Variants in MYT1L observed in about 807,000 individuals in gnomAD.
The protein encoded by MYT1L is myelin transcription factor 1 like.
MYT1L carries 12 observed loss-of-function variants against 126.7 expected under a neutral mutation model. That is an observed-to-expected ratio of 0.09 (90% CI 0.06 to 0.15). The LOEUF (loss-of-function observed/expected upper bound fraction) is 0.15. MYT1L is among the 10% of genes least tolerant of loss of function. MYT1L has a pLI of 1.00. For missense variants in MYT1L, 979 were observed against 1,585.2 expected, an observed-to-expected ratio of 0.62 and a Z score of 6.49; for synonymous variants, 541 against 604.2, an observed-to-expected ratio of 0.90 and a Z score of 1.53.
chr2:1,808,186 C>T (rs73182897), intron 22 of MYT1L, among the ~76,000 whole-genome samples: 49 of 152,248 alleles, frequency 3.2e-4, no homozygotes, highest in African/African-American at 1.1e-3. Flanking sequence ...TGAGAATGCA[C>T]GAATACACCT....
chr2:2,160,532 G>T (rs2087695312), intron 3 of MYT1L, among the ~76,000 whole-genome samples: 1 of 152,178 alleles, frequency 6.6e-6, no homozygotes, highest in African/African-American at 2.4e-5. Context: ...GGGTTGAGGG[G>T]AGACTTCCTA....
intron 3 of MYT1L, among the ~76,000 whole-genome samples, chr2:2,064,001 T>C (rs1042223906): frequency 9.2e-5 from 14 of 152,188 alleles, no homozygotes; most frequent in East Asian, 1.9e-4. Context: ...AGAAATTTAA[T>C]GTAGAGAGCC....
chr2:2,150,959 A>C (rs777608964), intron 3 of MYT1L, among the ~76,000 whole-genome samples: 15 of 152,080 alleles, frequency 9.9e-5, no homozygotes, highest in Non-Finnish European at 1.6e-4. Flanking sequence ...GAATGGAAAA[A>C]GACAATGTGA....
At chr2:2,003,940 T>G (rs1437158183) in intron 4 of MYT1L, among the ~76,000 whole-genome samples, 9 of 151,330 alleles carry the variant, frequency 5.9e-5, no homozygotes, top group African/African-American at 1.2e-4. Context: ...CTTTCCTGCA[T>G]GAGTTCTTTC....
intron 20 of MYT1L, among the ~76,000 whole-genome samples, chr2:1,840,242 C>A (rs1264306808): frequency 1.3e-5 from 2 of 152,122 alleles, no homozygotes; most frequent in Non-Finnish European, 2.9e-5. Flanking sequence ...GGGGCCCAGG[C>A]ATGGCTGGCG....
At chr2:2,021,083 C>T (rs1397788325) in intron 4 of MYT1L, among the ~76,000 whole-genome samples, 2 of 152,210 alleles carry the variant, frequency 1.3e-5, no homozygotes, top group East Asian at 1.9e-4. Context: ...GCTGGCTGGA[C>T]GGTCTCCCGG....
At chr2:2,329,971 G>GTT (rs554154486) in intron 1 of MYT1L, among the ~76,000 whole-genome samples, 3 of 143,716 alleles carry the variant, frequency 2.1e-5, no homozygotes, top group African/African-American at 7.6e-5. Flanking sequence ...ATGCAATGCT[G>GTT]TTTTTTTTTT....
intron 8 of MYT1L, among the ~76,000 whole-genome samples, chr2:1,976,896 C>T (rs892070315): frequency 1.1e-4 from 17 of 152,104 alleles, no homozygotes; most frequent in African/African-American, 3.6e-4. Flanking sequence ...AGTCTGCAAC[C>T]CTCTTATTTT....
At chr2:2,005,111 C>G (rs1574438900) in intron 4 of MYT1L, among the ~76,000 whole-genome samples, 2 of 151,080 alleles carry the variant, frequency 1.3e-5, no homozygotes, top group East Asian at 3.9e-4. Context: ...TATGTTCTTT[C>G]CTGCTTGCCT....
intron 3 of MYT1L, among the ~76,000 whole-genome samples, chr2:2,127,162 T>C (rs945081452): frequency 6.6e-6 from 1 of 152,230 alleles, no homozygotes; most frequent in Non-Finnish European, 1.5e-5. Flanking sequence ...ATGGGGTTTG[T>C]TGTACAAATT....
chr2:2,313,169 C>A (rs958278331), intron 1 of MYT1L, among the ~76,000 whole-genome samples: 5 of 152,202 alleles, frequency 3.3e-5, no homozygotes, highest in African/African-American at 7.2e-5. Context: ...AAAGAAGGAG[C>A]TTTTTCTCCA....
intron 3 of MYT1L, among the ~76,000 whole-genome samples, chr2:2,057,456 C>T (rs2069746918): frequency 6.6e-6 from 1 of 151,846 alleles, no homozygotes; most frequent in African/African-American, 2.4e-5. Flanking sequence ...ACCATGACCA[C>T]CCCATTGTCT....
At chr2:2,204,419 AAAAC>A (rs1252425059) in intron 2 of MYT1L, among the ~76,000 whole-genome samples, 3 of 151,234 alleles carry the variant, frequency 2.0e-5, no homozygotes, top group Non-Finnish European at 4.4e-5. Flanking sequence ...TTACAAGAAA[AAAAC>A]AAACAACCCC....
chr2:2,169,778 C>A lies in MYT1L; in HGVS notation c.-304+3094G>T, dbSNP rs73913237. Among the ~76,000 whole-genome samples, 1,348 of 152,234 alleles carry A rather than the reference C, an allele frequency of 8.9e-3. 21 individuals are homozygous for A. Among genetic ancestry groups the A allele is most frequent in the African/African-American group, 0.027 (1,121 of 41,526 alleles). On this transcript the variant is annotated intron_variant, in intron 3 of 24. Coordinates refer to ENST00000647738, the MANE Select transcript of MYT1L (RefSeq NM_001303052.2). ...CGGCTCTGCCCCACGGACTGCTGAC[C>A]GGCATCCCTCACCCTTCCGGGAAGA...
chr2:1,957,015 C>A (rs1460357221), intron 8 of MYT1L, among the ~76,000 whole-genome samples: 1 of 152,190 alleles, frequency 6.6e-6, no homozygotes, highest in Non-Finnish European at 1.5e-5. Flanking sequence ...TCCTCAGGGC[C>A]ATGAGGATGC....
At chr2:2,322,640 A>G (rs1451496541) in intron 1 of MYT1L, among the ~76,000 whole-genome samples, 1 of 151,942 alleles carries the variant, frequency 6.6e-6, no homozygotes, top group African/African-American at 2.4e-5. Flanking sequence ...GAAGGCAGCC[A>G]GGCACAAAGA....
chr2:1,865,325 G>A (rs933343312), intron 18 of MYT1L, among the ~76,000 whole-genome samples: 1 of 152,188 alleles, frequency 6.6e-6, no homozygotes, highest in African/African-American at 2.4e-5. Context: ...GCGGCCGTGC[G>A]GGGTTCCTGT....
rs529246363 is a variant in MYT1L at position 1,902,505 on chromosome 2, C to T, written c.2032+575G>A. Among the ~76,000 whole-genome samples, 11 of 152,296 alleles carry T rather than the reference C, an allele frequency of 7.2e-5. No individual in the cohort carries two copies. The East Asian group carries it at 7.7e-4, about 11-fold the overall frequency. On this transcript the variant is annotated intron_variant, in intron 14 of 24. Transcript: ENST00000647738. ...GCTCTGGCTACCCGGCAATCACTGG[C>T]GAACTTCTCAAGGGTGCCGTAGTGT...
At chr2:2,231,788 A>C (rs936962354) in intron 2 of MYT1L, among the ~76,000 whole-genome samples, 2 of 152,138 alleles carry the variant, frequency 1.3e-5, no homozygotes, top group African/African-American at 4.8e-5. Context: ...AGCATGGAAC[A>C]ATGACAACTT....
Sources: gnomAD v4.1 joint callset for allele counts (sites outside exome capture counted in the v4.1 genomes callset) on GRCh38, gnomAD v4.1.1 for gene constraint, MANE v1.5 for transcripts, NCBI Gene and HGNC (gene_info 2026-07-23, HGNC 2026-07-21) for gene names.